The following WDR72 variants were observed in gnomAD, a reference collection of about 807,000 sequenced individuals.
The protein encoded by WDR72 is WD repeat domain 72, also known as WD repeat-containing protein 72.
A neutral mutation model predicts 124.2 loss-of-function variants in WDR72; 120 were observed. The observed-to-expected ratio is 0.97, with a 90% confidence interval of 0.83 to 1.12. The LOEUF (loss-of-function observed/expected upper bound fraction) is 1.12. Among genes scored for constraint, WDR72 ranks in the 50% most tolerant of loss-of-function variants. WDR72 has a pLI of 0.00. For synonymous variants in WDR72, 452 were observed against 441.7 expected (o/e 1.02, Z -0.29); for missense variants, 1,387 against 1,278.8 (o/e 1.08, Z -1.29).
chr15:53,605,475 AC>A (rs2013239810), intron 17 of WDR72, among the ~76,000 whole-genome samples: 1 of 152,170 alleles, frequency 6.6e-6, no homozygotes, highest in Admixed American at 6.5e-5. Context: ...CTGCACTTAT[AC>A]CCCTCAACTT....
chr15:53,567,680 A>C (rs1164801412), intron 18 of WDR72, among the ~76,000 whole-genome samples: 2 of 151,992 alleles, frequency 1.3e-5, no homozygotes, highest in Non-Finnish European at 2.9e-5. Context: ...AAACTACAGA[A>C]TCTAAACACC....
At chr15:53,678,453 C>T (rs150446104) in intron 13 of WDR72, among the ~76,000 whole-genome samples, 84 of 152,084 alleles carry the variant, frequency 5.5e-4, no homozygotes, top group Non-Finnish European at 1.1e-3. Context: ...CTCTATAGAA[C>T]CATTTCCTTT....
chr15:53,760,173 C>A (rs1162718061), upstream of WDR72, among the ~76,000 whole-genome samples: 1 of 152,012 alleles, frequency 6.6e-6, no homozygotes, highest in Admixed American at 6.5e-5. Flanking sequence ...GTGTTACAAA[C>A]AATCCAATTA....
intron 14 of WDR72, among the ~76,000 whole-genome samples, chr15:53,628,143 T>C (rs902359408): frequency 2.0e-5 from 3 of 152,198 alleles, no homozygotes; most frequent in Non-Finnish European, 4.4e-5. Flanking sequence ...GTGTATATAA[T>C]TTAGTTCCTA....
At chr15:53,600,129 T>C (rs2012978545) in intron 17 of WDR72, among the ~76,000 whole-genome samples, 1 of 152,284 alleles carries the variant, frequency 6.6e-6, no homozygotes, top group African/African-American at 2.4e-5. Context: ...GTATCTGGAA[T>C]AGAATGGGCA....
intron 18 of WDR72, among the ~76,000 whole-genome samples, chr15:53,531,380 T>C (rs1330242980): frequency 1.3e-5 from 2 of 152,116 alleles, no homozygotes; most frequent in African/African-American, 4.8e-5. Flanking sequence ...AGGTGGTCTG[T>C]TGGCATCAGC....
intron 18 of WDR72, among the ~76,000 whole-genome samples, chr15:53,540,008 A>G (rs1417820733): frequency 2.0e-5 from 3 of 152,236 alleles, no homozygotes; most frequent in Non-Finnish European, 4.4e-5. Flanking sequence ...GTGGAATGCA[A>G]ACCAAAGAGC....
intron 19 of WDR72, among the ~76,000 whole-genome samples, chr15:53,522,074 T>C (rs1012276639): frequency 2.0e-5 from 3 of 152,036 alleles, no homozygotes; most frequent in Non-Finnish European, 4.4e-5. Context: ...CAGCAGTCCA[T>C]CTTCAGAGGA....
intron 17 of WDR72, among the ~76,000 whole-genome samples, chr15:53,597,992 G>A (rs1245954857): frequency 2.0e-5 from 3 of 152,178 alleles, no homozygotes; most frequent in Non-Finnish European, 4.4e-5. Context: ...TATGTCCTTC[G>A]AAGTACATGT....
intron 18 of WDR72, among the ~76,000 whole-genome samples, chr15:53,539,385 A>C (rs1892945633): frequency 6.6e-6 from 1 of 152,120 alleles, no homozygotes; most frequent in Non-Finnish European, 1.5e-5. Flanking sequence ...TCATAGAACA[A>C]CTATGAAAAA....
At chr15:53,717,972 T>C (rs923629917) in intron 3 of WDR72, among the ~76,000 whole-genome samples, 1 of 152,106 alleles carries the variant, frequency 6.6e-6, no homozygotes, top group Non-Finnish European at 1.5e-5. Flanking sequence ...ATTGAAATAA[T>C]ATATCTCAAA....
At chr15:53,539,171 C>G (rs1892934174) in intron 18 of WDR72, among the ~76,000 whole-genome samples, 1 of 152,050 alleles carries the variant, frequency 6.6e-6, no homozygotes, top group Admixed American at 6.5e-5. Context: ...AGAAAGGCTG[C>G]AAGTTAATAT....
At chr15:53,702,856 A>G (rs1213486928) in intron 11 of WDR72, among the ~76,000 whole-genome samples, 2 of 151,934 alleles carry the variant, frequency 1.3e-5, no homozygotes, top group Non-Finnish European at 2.9e-5. Context: ...TACTTCGTAC[A>G]TTTACCTCCA....
chr15:53,651,302 G>A (rs550089730), intron 14 of WDR72, among the ~76,000 whole-genome samples: 23 of 152,190 alleles, frequency 1.5e-4, no homozygotes, highest in African/African-American at 5.1e-4. Flanking sequence ...CCAGGCTATC[G>A]TAAACCCCTA....
At chr15:53,611,401 T>C (rs1166372439) in intron 16 of WDR72, among the ~76,000 whole-genome samples, 2 of 152,068 alleles carry the variant, frequency 1.3e-5, no homozygotes, top group African/African-American at 4.8e-5. Flanking sequence ...GCCTCCTTGA[T>C]TCTGGTTAGC....
At chr15:53,569,125 A>G (rs1056088068) in intron 18 of WDR72, among the ~76,000 whole-genome samples, 1 of 150,464 alleles carries the variant, frequency 6.6e-6, no homozygotes, top group Non-Finnish European at 1.5e-5. Flanking sequence ...CTTTCTGCAC[A>G]TGAGATCATT....
intron 14 of WDR72, among the ~76,000 whole-genome samples, chr15:53,648,401 C>G (rs1198445025): frequency 6.6e-6 from 1 of 152,094 alleles, no homozygotes; most frequent in African/African-American, 2.4e-5. Context: ...ATTTTACTTA[C>G]TCCAAACACC....
At chr15:53,578,032 T>C (rs1372831423) in intron 18 of WDR72, among the ~76,000 whole-genome samples, 4 of 152,160 alleles carry the variant, frequency 2.6e-5, no homozygotes, top group Non-Finnish European at 5.9e-5. Flanking sequence ...ACCAGGACTT[T>C]AAATTTTAAT....
intron 17 of WDR72, among the ~76,000 whole-genome samples, chr15:53,600,728 A>G (rs2013007595): frequency 6.6e-6 from 1 of 152,152 alleles, no homozygotes; most frequent in African/African-American, 2.4e-5. Flanking sequence ...CACTCTGCTC[A>G]TGCTGGCCTT....
Sources: gnomAD v4.1 joint callset for allele counts (sites outside exome capture counted in the v4.1 genomes callset) on GRCh38, gnomAD v4.1.1 for gene constraint, MANE v1.5 for transcripts, NCBI Gene and HGNC (gene_info 2026-07-23, HGNC 2026-07-21) for gene names.